The following GLI2 variants were observed in gnomAD, a reference collection of about 807,000 sequenced individuals.
GLI2 encodes the protein transcription activator GLI2.
GLI2 carries 22 observed loss-of-function variants against 78.9 expected under a neutral mutation model. The observed-to-expected ratio is 0.28, with a 90% confidence interval of 0.20 to 0.40. The LOEUF (loss-of-function observed/expected upper bound fraction) is 0.40, where lower values mean the gene tolerates loss of function less well. Among genes scored for constraint, GLI2 ranks in the 10% least tolerant of loss-of-function variants. The pLI is 1.00. For synonymous variants in GLI2, 974 were observed against 963.7 expected (o/e 1.01, Z -0.20); for missense variants, 2,097 against 2,213.2 (o/e 0.95, Z 1.05).
chr2:120,787,930 C>T (rs1424517042), intron 1 of GLI2, among the ~76,000 whole-genome samples: 1 of 152,192 alleles, frequency 6.6e-6, no homozygotes, highest in Non-Finnish European at 1.5e-5. Context: ...GGCGCTGGCA[C>T]CAGGGTGGGT....
In GLI2 at chr2:120,746,178, C is replaced by T. The variant is rs376885542; in HGVS notation, c.-31+9893C>T. Among the ~76,000 whole-genome samples, 127 of 152,346 alleles carry T rather than the reference C, an allele frequency of 8.3e-4. 1 individual carries two copies. The highest frequency in any genetic ancestry group is 2.9e-3 in the African/African-American group (122 of 41,580). ...CATGGGTGGTCAGGAAAAGCTGGAG[C>T]AGGGCTCAGCTTACAAAAGACTGAT... is the stretch of plus-strand genomic sequence containing the variant. On this transcript the variant is annotated intron_variant, in intron 1 of 13. Coordinates refer to ENST00000361492, the MANE Select transcript of GLI2 (RefSeq NM_001374353.1).
intron 2 of GLI2, among the ~76,000 whole-genome samples, chr2:120,910,845 A>G (rs1344200560): frequency 6.6e-6 from 1 of 152,264 alleles, no homozygotes; most frequent in Non-Finnish European, 1.5e-5. Context: ...ATGCCGCTGC[A>G]TGGCAGACCC....
At chr2:120,833,747 A>G (rs1380390883) in intron 2 of GLI2, among the ~76,000 whole-genome samples, 6 of 152,186 alleles carry the variant, frequency 3.9e-5, no homozygotes, top group Non-Finnish European at 8.8e-5. Context: ...AGCATCCTTT[A>G]GCTCCCCAAA....
chr2:120,824,001 T>C (rs1685909807), intron 2 of GLI2, among the ~76,000 whole-genome samples: 1 of 152,252 alleles, frequency 6.6e-6, no homozygotes, highest in South Asian at 2.1e-4. Context: ...CATTAATTAA[T>C]GGAATTCTAT....
Position 120,982,710 on chromosome 2 carries a change from T to G in GLI2, c.1468-6T>G, listed in dbSNP as rs1357049716. The G allele has an allele frequency of 6.2e-7, 1 of 1,609,852 alleles. No homozygotes were observed. The highest frequency in any genetic ancestry group is 8.5e-7 in the Non-Finnish European group (1 of 1,176,982). On this transcript the variant is annotated splice_region_variant and splice_polypyrimidine_tract_variant and intron_variant, in intron 10 of 13. Transcript: ENST00000361492. The stretch of plus-strand genomic sequence containing the variant: ...TGCCTTGACTGACTGAACCGCCTCC[T>G]TCTAGTTCGAGGGCTGCTCGAAGGC...
At chr2:120,899,316 G>A (rs776984619) in intron 2 of GLI2, among the ~76,000 whole-genome samples, 8 of 152,180 alleles carry the variant, frequency 5.3e-5, no homozygotes, top group African/African-American at 1.4e-4. Flanking sequence ...GGGAGAGCAC[G>A]TTTCTCACTT....
chr2:120,795,380 G>A (rs139406274), intron 1 of GLI2, among the ~76,000 whole-genome samples: 1,954 of 151,992 alleles, frequency 0.013, 45 homozygotes, highest in African/African-American at 0.045. Flanking sequence ...AAAATTAGCC[G>A]AGTGTGATGG....
intron 2 of GLI2, among the ~76,000 whole-genome samples, chr2:120,903,576 A>G (rs1166670877): frequency 6.6e-6 from 1 of 152,200 alleles, no homozygotes; most frequent in Admixed American, 6.5e-5. Context: ...TTGGCTAAGG[A>G]TGCCTGAGAA....
chr2:120,985,458 G>A (rs761378720), intron 12 of GLI2, among the ~76,000 whole-genome samples: 43 of 152,314 alleles, frequency 2.8e-4, no homozygotes, highest in African/African-American at 9.9e-4. Context: ...GGAGGCATGC[G>A]TCTAGGCTAC....
chr2:120,879,359 G>A (rs2104704291), intron 2 of GLI2, among the ~76,000 whole-genome samples: 1 of 152,348 alleles, frequency 6.6e-6, no homozygotes, highest in East Asian at 1.9e-4. Flanking sequence ...TGGAGGGGCT[G>A]TGTGCCCAGC....
At chr2:120,748,883 C>G (rs1682775565) in intron 1 of GLI2, among the ~76,000 whole-genome samples, 1 of 152,006 alleles carries the variant, frequency 6.6e-6, no homozygotes, top group African/African-American at 2.4e-5. Flanking sequence ...ATCCATCCAT[C>G]CATCCATCCT....
chr2:120,762,045 C>A (rs1683230492), intron 1 of GLI2, among the ~76,000 whole-genome samples: 2 of 152,198 alleles, frequency 1.3e-5, no homozygotes, highest in Non-Finnish European at 2.9e-5. Context: ...TGAGATGCAC[C>A]CACGGAGCCG....
intron 2 of GLI2, among the ~76,000 whole-genome samples, chr2:120,810,667 A>T (rs1685193495): frequency 6.6e-6 from 1 of 152,192 alleles, no homozygotes; most frequent in East Asian, 1.9e-4. Context: ...GCCTGAAGGG[A>T]CAGATCTTCT....
At chr2:120,916,413 C>T (rs1220498723) in intron 2 of GLI2, among the ~76,000 whole-genome samples, 3 of 152,232 alleles carry the variant, frequency 2.0e-5, no homozygotes, top group African/African-American at 4.8e-5. Flanking sequence ...CTGCCATCCT[C>T]CCCCTTCCTT....
At chr2:120,757,224 CTT>C (rs33940321) in intron 1 of GLI2, among the ~76,000 whole-genome samples, 22,194 of 132,930 alleles carry the variant, frequency 0.17, 1,651 homozygotes, top group Middle Eastern at 0.23. Context: ...TACTTTTCTG[CTT>C]TTTTTTTTTT....
intron 1 of GLI2, among the ~76,000 whole-genome samples, chr2:120,760,068 C>T (rs1281515804): frequency 6.6e-6 from 1 of 152,238 alleles, no homozygotes; most frequent in East Asian, 1.9e-4. Flanking sequence ...TTGTGAGATT[C>T]TCCAGTAGCA....
At chr2:120,751,121 C>T (rs1397390419) in intron 1 of GLI2, among the ~76,000 whole-genome samples, 7 of 152,226 alleles carry the variant, frequency 4.6e-5, no homozygotes, top group Non-Finnish European at 8.8e-5. Flanking sequence ...CCTGTAGCTA[C>T]TCAATGTGAA....
intron 2 of GLI2, among the ~76,000 whole-genome samples, chr2:120,917,137 TC>T (rs1054748751): frequency 3.3e-4 from 50 of 152,370 alleles, no homozygotes; most frequent in African/African-American, 1.2e-3. Flanking sequence ...GCGCTGGCCT[TC>T]TGGGGTTCAT....
intron 2 of GLI2, among the ~76,000 whole-genome samples, chr2:120,831,769 A>G (rs184667503): frequency 2.7e-4 from 41 of 152,040 alleles, no homozygotes; most frequent in African/African-American, 8.9e-4. Context: ...TTACCAACTC[A>G]CCCAACTCTC....
Sources: allele counts gnomAD v4.1 joint callset (sites outside exome capture counted in the v4.1 genomes callset), GRCh38; gene constraint gnomAD v4.1.1; transcripts MANE v1.5; gene names NCBI Gene and HGNC (gene_info 2026-07-23, HGNC 2026-07-21).